KIAA1217: variants seen among roughly 807,000 people sequenced by gnomAD.
KIAA1217 encodes sickle tail protein homolog.
In KIAA1217, 88 loss-of-function variants were observed where a neutral mutation model predicts 163.9. The observed-to-expected ratio is 0.54, with a 90% CI of 0.45 to 0.64. KIAA1217 has a LOEUF of 0.64. KIAA1217 is among the 30% of genes least tolerant of loss of function. The pLI is 0.00. For missense variants in KIAA1217, 2,372 were observed against 2,475.0 expected (o/e 0.96, Z 0.88); for synonymous variants, 903 against 923.1 (o/e 0.98, Z 0.39).
intron 1 of KIAA1217, among the ~76,000 whole-genome samples, chr10:23,706,086 CT>C (rs573021459): frequency 6.6e-6 from 1 of 151,722 alleles, no homozygotes; most frequent in Non-Finnish European, 1.5e-5. Flanking sequence ...AACACAATTG[CT>C]TTTTTTTATA....
intron 3 of KIAA1217, among the ~76,000 whole-genome samples, chr10:24,399,283 A>G (rs2056233670): frequency 6.6e-6 from 1 of 152,168 alleles, no homozygotes; most frequent in African/African-American, 2.4e-5. Flanking sequence ...TTTCATTTAG[A>G]AATATTTACA....
At chr10:24,224,309 G>A (rs1305101374) in intron 2 of KIAA1217, among the ~76,000 whole-genome samples, 1 of 151,998 alleles carries the variant, frequency 6.6e-6, no homozygotes, top group Non-Finnish European at 1.5e-5. Flanking sequence ...CTATGATTTG[G>A]GCTAATAGCT....
At chr10:24,449,057 A>G (rs1199377515) in intron 5 of KIAA1217, among the ~76,000 whole-genome samples, 2 of 152,150 alleles carry the variant, frequency 1.3e-5, no homozygotes, top group Admixed American at 1.3e-4. Context: ...TCTTTTTTAT[A>G]TTGTGCTTTT....
intron 1 of KIAA1217, among the ~76,000 whole-genome samples, chr10:23,753,804 C>T (rs1359946777): frequency 2.0e-5 from 3 of 152,152 alleles, no homozygotes; most frequent in South Asian, 4.1e-4. Context: ...CATCACGTCT[C>T]CTGTGATTTT....
chr10:24,163,346 G>A (rs2065203204), intron 2 of KIAA1217, among the ~76,000 whole-genome samples: 1 of 152,184 alleles, frequency 6.6e-6, no homozygotes, highest in South Asian at 2.1e-4. Context: ...TCTGTAAAAT[G>A]AGACTATTGT....
chr10:24,243,953 G>C (rs1226802143), intron 2 of KIAA1217, among the ~76,000 whole-genome samples: 1 of 152,166 alleles, frequency 6.6e-6, no homozygotes, highest in Non-Finnish European at 1.5e-5. Flanking sequence ...TACACCTAGT[G>C]GGTTTTAGCA....
At chr10:23,939,525 A>G (rs1351826414) in intron 1 of KIAA1217, among the ~76,000 whole-genome samples, 4 of 152,078 alleles carry the variant, frequency 2.6e-5, no homozygotes, top group African/African-American at 9.7e-5. Flanking sequence ...ATATTTTTAT[A>G]TTTATATAAC....
At chr10:23,805,996 CAAAAAAAAA>C (rs71397917) in intron 1 of KIAA1217, among the ~76,000 whole-genome samples, 4 of 30,512 alleles carry the variant, frequency 1.3e-4, no homozygotes, top group African/African-American at 2.9e-4. Flanking sequence ...AACTCCATCT[CAAAAAAAAA>C]AAAAAAAAAA....
intron 1 of KIAA1217, among the ~76,000 whole-genome samples, chr10:23,754,820 G>A (rs1010298238): frequency 5.3e-5 from 8 of 150,070 alleles, no homozygotes; most frequent in Non-Finnish European, 7.4e-5. Flanking sequence ...TGATAGGGCC[G>A]TTGTACCATT....
At chr10:23,904,200 T>C (rs1484532073) in intron 1 of KIAA1217, among the ~76,000 whole-genome samples, 1 of 152,136 alleles carries the variant, frequency 6.6e-6, no homozygotes, top group Non-Finnish European at 1.5e-5. Flanking sequence ...AGAAAGAAAG[T>C]ATTGCATATG....
At chr10:24,172,408 G>A (rs993942506) in intron 2 of KIAA1217, among the ~76,000 whole-genome samples, 6 of 152,188 alleles carry the variant, frequency 3.9e-5, no homozygotes, top group African/African-American at 1.4e-4. Context: ...ATTTTGAGAA[G>A]CAGTTTGTGT....
At chr10:23,887,124 A>AAGATTTAGT (rs1223208870) in intron 1 of KIAA1217, among the ~76,000 whole-genome samples, 92 of 152,054 alleles carry the variant, frequency 6.1e-4, no homozygotes, top group African/African-American at 2.1e-3. Flanking sequence ...TATCTTTGGA[A>AAGATTTAGT]CATCATTTAG....
chr10:23,957,949 G>C (rs1435050952), intron 1 of KIAA1217, among the ~76,000 whole-genome samples: 1 of 152,148 alleles, frequency 6.6e-6, no homozygotes, highest in Non-Finnish European at 1.5e-5. Flanking sequence ...CCACATACAA[G>C]AGTTGCTAAA....
At chr10:24,280,322 T>G (rs1203289245) in intron 2 of KIAA1217, among the ~76,000 whole-genome samples, 1 of 152,222 alleles carries the variant, frequency 6.6e-6, no homozygotes, top group Non-Finnish European at 1.5e-5. Flanking sequence ...TGCAAAACTC[T>G]AACAAACATT....
rs368807505 is a variant in KIAA1217, at chr10:23,738,852, G to A, written c.-321+43618G>A. 6.1e-4 allele frequency among the ~76,000 whole-genome samples: 93 copies of A among 152,192 alleles called. 1 individual carries two copies. The highest frequency in any genetic ancestry group is 1.8e-3 in the African/African-American group (74 of 41,528). On this transcript the variant is annotated intron_variant, in intron 1 of 18. Coordinates refer to the KIAA1217 transcript ENST00000376462. ...GGCAAAAAAAGTCCCTACTTTCATG[G>A]CGGTTATATTATACTGAGGGGAATA...
intron 2 of KIAA1217, among the ~76,000 whole-genome samples, chr10:24,170,304 G>A (rs150455906): frequency 3.8e-4 from 58 of 152,310 alleles, no homozygotes; most frequent in African/African-American, 1.4e-3. Flanking sequence ...GAGGAAGGTG[G>A]GACTCCCAGG....
chr10:24,085,140 T>A (rs2061657151), intron 2 of KIAA1217, among the ~76,000 whole-genome samples: 1 of 152,100 alleles, frequency 6.6e-6, no homozygotes, highest in African/African-American at 2.4e-5. Flanking sequence ...GGTCTCGATC[T>A]CCTGACCGCG....
intron 6 of KIAA1217, among the ~76,000 whole-genome samples, chr10:24,477,731 G>T (rs1423954458): frequency 6.6e-6 from 1 of 152,206 alleles, no homozygotes; most frequent in East Asian, 1.9e-4. Context: ...GGGGAAGAAA[G>T]AGGACAGCAT....
intron 1 of KIAA1217, among the ~76,000 whole-genome samples, chr10:23,970,233 G>A (rs1845258539): frequency 6.6e-6 from 1 of 152,178 alleles, no homozygotes; most frequent in South Asian, 2.1e-4. Context: ...TTACTCCCAA[G>A]TATTCTTCTT....
Sources: gnomAD v4.1 joint callset for allele counts (sites outside exome capture counted in the v4.1 genomes callset) on GRCh38, gnomAD v4.1.1 for gene constraint, MANE v1.5 for transcripts, NCBI Gene and HGNC (gene_info 2026-07-23, HGNC 2026-07-21) for gene names.